AIG1: variants seen among roughly 807,000 people sequenced by gnomAD.
AIG1 encodes the protein androgen induced 1, also known as androgen-induced gene 1 protein.
In AIG1, 23 loss-of-function variants were observed where a neutral mutation model predicts 31.4. The observed-to-expected ratio is 0.73, with a 90% confidence interval of 0.53 to 1.04. The LOEUF (loss-of-function observed/expected upper bound fraction) is 1.04, where lower values mean the gene tolerates loss of function less well. Ranked by LOEUF, AIG1 falls within the 50% of genes least tolerant of loss-of-function variation. AIG1 has a pLI of 0.00. For missense variants in AIG1, 274 were observed against 295.0 expected (o/e 0.93, Z 0.52); for synonymous variants, 100 against 110.5 (o/e 0.90, Z 0.60).
chr6:143,293,390 G>A lies in AIG1; in HGVS notation c.515+9165G>A, dbSNP rs1012071728. On this transcript the variant is annotated intron_variant, in intron 4 of 5. Transcript: ENST00000357847. The surrounding 1 kb of genome is among the most constrained non-coding windows in gnomAD (Gnocchi z 4.8). Reference sequence around the variant, plus strand: ...GAGCTCTGCTTTTCCCATGAGATTCGAGAATGTCATTGCTTTCCCATTATT... The same window carrying A: ...GAGCTCTGCTTTTCCCATGAGATTCAAGAATGTCATTGCTTTCCCATTATT... Among the ~76,000 whole-genome samples the A allele has an allele frequency of 2.6e-5, 4 of 152,112 alleles. No homozygotes were observed. The highest frequency in any genetic ancestry group is 7.2e-5 in the African/African-American group (3 of 41,424).
intron 3 of AIG1, among the ~76,000 whole-genome samples, chr6:143,182,092 C>T (rs1227782636): frequency 6.6e-6 from 1 of 152,050 alleles, no homozygotes; most frequent in East Asian, 1.9e-4. Flanking sequence ...TTGGTGCAGT[C>T]ATAGCTCACT....
At position 143,297,110 on chromosome 6, in the gene AIG1, A is replaced by G. The variant is rs981652714; in HGVS notation, c.515+12885A>G. On this transcript the variant is annotated intron_variant, in intron 4 of 5. Transcript: ENST00000357847. This position sits in a 1 kb window ranked among gnomAD's most constrained non-coding sequence, Gnocchi z 5.1. ...TATTTGCAAGAGGAAAATAGAGTCT[A>G]CGGAAGGTTCTCTAACCCAGACTTA... is the stretch of plus-strand genomic sequence containing the variant. Among the ~76,000 whole-genome samples the G allele has an allele frequency of 3.9e-5, 6 of 152,206 alleles. No homozygotes were observed. Among genetic ancestry groups the G allele is most frequent in the East Asian group, 1.9e-4 (1 of 5,192 alleles).
chr6:143,306,121 C>G (rs1799283776), intron 4 of AIG1, among the ~76,000 whole-genome samples: 1 of 150,734 alleles, frequency 6.6e-6, no homozygotes, highest in Non-Finnish European at 1.5e-5. Flanking sequence ...ATGTGTGTCT[C>G]TGCACGTGAG....
At chr6:143,084,651 T>A (rs953790881) in intron 1 of AIG1, among the ~76,000 whole-genome samples, 2 of 152,198 alleles carry the variant, frequency 1.3e-5, no homozygotes, top group Non-Finnish European at 2.9e-5. Context: ...TTAAGATTAG[T>A]TGGCCTTCAA....
chr6:143,166,286 G>T (rs918908226), intron 3 of AIG1, among the ~76,000 whole-genome samples: 2 of 152,078 alleles, frequency 1.3e-5, no homozygotes, highest in Non-Finnish European at 2.9e-5. Context: ...AAACATATCA[G>T]CTGGGTCTTG....
chr6:143,167,277 TC>T (rs1321668961), intron 3 of AIG1, among the ~76,000 whole-genome samples: 2 of 152,172 alleles, frequency 1.3e-5, no homozygotes, highest in African/African-American at 4.8e-5. Context: ...GCAAATAGTA[TC>T]CTTTGTGATA....
At chr6:143,227,362 CTGCCCCG>C (rs1793064604) in intron 3 of AIG1, among the ~76,000 whole-genome samples, 1 of 152,096 alleles carries the variant, frequency 6.6e-6, no homozygotes, top group African/African-American at 2.4e-5. Context: ...GCCATTACAG[CTGCCCCG>C]TGCCCCTGCC....
intron 3 of AIG1, among the ~76,000 whole-genome samples, chr6:143,227,937 A>G (rs1322377254): frequency 2.0e-5 from 3 of 152,178 alleles, no homozygotes; most frequent in East Asian, 3.8e-4. Flanking sequence ...TCTGTTAGGT[A>G]TCTATTATCT....
chr6:143,295,300 G>A (rs541738876), intron 4 of AIG1, among the ~76,000 whole-genome samples: 7 of 152,274 alleles, frequency 4.6e-5, no homozygotes, highest in Non-Finnish European at 1.0e-4. Flanking sequence ...TGCTAGAACT[G>A]TCTATCCAAA....
In AIG1 at chr6:143,334,019, G is replaced by A; in HGVS notation, c.679+574G>A. 1 of 1,531,154 alleles carries A rather than the reference G, an allele frequency of 6.5e-7. No individual in the cohort carries two copies. The highest frequency in any genetic ancestry group is 2.0e-5 in the Admixed American group (1 of 49,764). 94.8% of individuals were successfully genotyped at this position (1,531,154 alleles called of 1,614,324 possible). A position where few individuals can be genotyped will look rare whatever the true frequency, so the allele number is the denominator to read the frequency against. ...CAAGCAGTAAAAGATAATATTTCGTGGCTGGAAAAACTCTTTTAACCTGTG... is the reference window on the plus strand; with the variant it reads ...CAAGCAGTAAAAGATAATATTTCGTAGCTGGAAAAACTCTTTTAACCTGTG... On this transcript the variant is annotated intron_variant, in intron 5 of 5. Transcript: ENST00000357847. The surrounding 1 kb of genome is among the most constrained non-coding windows in gnomAD (Gnocchi z 5.1).
At chr6:143,077,999 T>G (rs1357034078) in intron 1 of AIG1, among the ~76,000 whole-genome samples, 1 of 152,240 alleles carries the variant, frequency 6.6e-6, no homozygotes, top group Non-Finnish European at 1.5e-5. Context: ...TTGATATGCA[T>G]GTCAGATCTT....
intron 3 of AIG1, among the ~76,000 whole-genome samples, chr6:143,263,907 T>C (rs1186558440): frequency 2.6e-5 from 4 of 152,246 alleles, no homozygotes; most frequent in African/African-American, 9.6e-5. Flanking sequence ...TGTTTTATCT[T>C]GTGTTTATTT....
intron 3 of AIG1, among the ~76,000 whole-genome samples, chr6:143,232,355 C>T (rs1793499482): frequency 6.6e-6 from 1 of 152,134 alleles, no homozygotes; most frequent in Admixed American, 6.6e-5. Flanking sequence ...GGCATGTGGA[C>T]ACCCTGAGGC....
At chr6:143,088,301 C>T (rs1269394170) in intron 1 of AIG1, among the ~76,000 whole-genome samples, 1 of 151,586 alleles carries the variant, frequency 6.6e-6, no homozygotes, top group Admixed American at 6.6e-5. Context: ...TATACCTTTG[C>T]TGTTTTAAAA....
chr6:143,112,480 T>C (rs1278825747), intron 1 of AIG1, among the ~76,000 whole-genome samples: 1 of 152,182 alleles, frequency 6.6e-6, no homozygotes, highest in Admixed American at 6.5e-5. Context: ...CTTTTAGAAA[T>C]AGGCACTATG....
chr6:143,235,340 T>A (rs146087198), intron 3 of AIG1, among the ~76,000 whole-genome samples: 130 of 152,332 alleles, frequency 8.5e-4, no homozygotes, highest in African/African-American at 2.9e-3. Context: ...TACGTGTTTC[T>A]GTAACACTGG....
In AIG1 at chr6:143,288,410, A is replaced by G. The variant is rs888293589; in HGVS notation, c.515+4185A>G. Reference sequence around the variant, plus strand: ...GTGCTGATCTCTCAACCCAGGACACATCAAGAGCAAGTAGGCCTTAGTGAA... The same window carrying G: ...GTGCTGATCTCTCAACCCAGGACACGTCAAGAGCAAGTAGGCCTTAGTGAA... On this transcript the variant is annotated intron_variant, in intron 4 of 5. Transcript: ENST00000357847. This position sits in a 1 kb window ranked among gnomAD's most constrained non-coding sequence, Gnocchi z 4.4. Among the ~76,000 whole-genome samples the G allele has an allele frequency of 2.6e-5, 4 of 151,054 alleles. No individual in the cohort carries two copies. Among genetic ancestry groups the G allele is most frequent in the African/African-American group, 9.7e-5 (4 of 41,394 alleles).
At chr6:143,294,897 A>C (rs1699672484) in intron 4 of AIG1, among the ~76,000 whole-genome samples, 1 of 152,004 alleles carries the variant, frequency 6.6e-6, no homozygotes, top group African/African-American at 2.4e-5. Context: ...TTCAGAGCTC[A>C]CTTCCAGGTC....
chr6:143,310,849 A>G (rs1266669325), intron 4 of AIG1, among the ~76,000 whole-genome samples: 1 of 151,852 alleles, frequency 6.6e-6, no homozygotes, highest in Non-Finnish European at 1.5e-5. Flanking sequence ...AATCTAGATA[A>G]AATGGATCAA....
Sources: gnomAD v4.1 joint callset for allele counts (sites outside exome capture counted in the v4.1 genomes callset) on GRCh38, gnomAD v4.1.1 for gene constraint, Gnocchi (gnomAD v3.1) non-coding constraint, MANE v1.5 for transcripts, NCBI Gene and HGNC (gene_info 2026-07-23, HGNC 2026-07-21) for gene names.